The following PCDH15 variants were observed in gnomAD, a reference collection of about 807,000 sequenced individuals.
PCDH15 encodes protocadherin related 15.
A neutral mutation model predicts 178.5 loss-of-function variants in PCDH15; 129 were observed. The ratio of observed to expected loss-of-function variants is 0.72; its 90% CI spans 0.63 to 0.84. The LOEUF (loss-of-function observed/expected upper bound fraction) is 0.84. Among genes scored for constraint, PCDH15 ranks in the 40% least tolerant of loss-of-function variants. PCDH15 has a pLI of 0.00. For synonymous variants in PCDH15, 800 were observed against 732.0 expected (o/e 1.09, Z -1.50); for missense variants, 2,230 against 2,099.9 (o/e 1.06, Z -1.21).
chr10:54,035,829 C>A (rs1180858721), intron 18 of PCDH15, among the ~76,000 whole-genome samples: 2 of 151,918 alleles, frequency 1.3e-5, no homozygotes, highest in African/African-American at 4.8e-5. Flanking sequence ...TGCCAGTTAG[C>A]CACATTGTGA....
chr10:54,118,287 G>A (rs1393595898), intron 15 of PCDH15, among the ~76,000 whole-genome samples: 1 of 152,184 alleles, frequency 6.6e-6, no homozygotes, highest in African/African-American at 2.4e-5. Flanking sequence ...AATAGGCAAT[G>A]AGGAAAAACT....
chr10:55,173,270 GACA>G (rs1839387364), intron 1 of PCDH15, among the ~76,000 whole-genome samples: 1 of 149,780 alleles, frequency 6.7e-6, no homozygotes, highest in Admixed American at 6.7e-5. Context: ...GAGGGGAAGT[GACA>G]AAATAGGAAT....
chr10:55,295,955 C>T (rs1843121124), intron 1 of PCDH15, among the ~76,000 whole-genome samples: 1 of 152,146 alleles, frequency 6.6e-6, no homozygotes, highest in Non-Finnish European at 1.5e-5. Context: ...CCCAGGTAGT[C>T]ACTTGCACTC....
chr10:54,077,948 A>T (rs2094370658), intron 17 of PCDH15, among the ~76,000 whole-genome samples: 2 of 152,156 alleles, frequency 1.3e-5, no homozygotes, highest in African/African-American at 4.8e-5. Context: ...CTGTAATTCC[A>T]GCTACTTGGG....
upstream of PCDH15, among the ~76,000 whole-genome samples, chr10:55,320,970 G>C (rs1186049232): frequency 6.6e-6 from 1 of 152,110 alleles, no homozygotes; most frequent in East Asian, 1.9e-4. Flanking sequence ...GCAGAATATG[G>C]ATATTCAATA....
At chr10:55,354,337 G>A (rs1046863835) in intron 2 of PCDH15, among the ~76,000 whole-genome samples, 1 of 151,984 alleles carries the variant, frequency 6.6e-6, no homozygotes, top group African/African-American at 2.4e-5. Context: ...GTCACACATT[G>A]AGCTTAATAA....
At chr10:53,866,109 T>A (rs1417928977) in intron 27 of PCDH15, among the ~76,000 whole-genome samples, 1 of 152,128 alleles carries the variant, frequency 6.6e-6, no homozygotes, top group East Asian at 1.9e-4. Context: ...TATAACTTAG[T>A]CAAGGCTAAA....
At chr10:53,856,766 C>T (rs2078771859) in intron 28 of PCDH15, among the ~76,000 whole-genome samples, 1 of 151,790 alleles carries the variant, frequency 6.6e-6, no homozygotes, top group Admixed American at 6.6e-5. Flanking sequence ...AAACAGTAAG[C>T]TAAATTATTA....
chr10:53,807,974 A>G (rs1252912429), intron 37 of PCDH15: 2 of 152,240 alleles, frequency 1.3e-5, no homozygotes, highest in East Asian at 1.9e-4. Flanking sequence ...AACTATCAAC[A>G]CATTGCATGC....
intron 3 of PCDH15, among the ~76,000 whole-genome samples, chr10:54,439,275 C>G (rs1832878): frequency 0.023 from 3,560 of 151,814 alleles, 154 homozygotes; most frequent in African/African-American, 0.082. Context: ...AGAAAAGAAA[C>G]CAAATATGCA....
intron 1 of PCDH15, among the ~76,000 whole-genome samples, chr10:54,780,101 C>T (rs893037689): frequency 6.6e-6 from 1 of 152,070 alleles, no homozygotes; most frequent in Non-Finnish European, 1.5e-5. Context: ...GAGAAGTTCT[C>T]AAATAATTCT....
intron 21 of PCDH15, among the ~76,000 whole-genome samples, chr10:53,978,529 G>T (rs535196370): frequency 6.6e-6 from 1 of 152,232 alleles, no homozygotes; most frequent in African/African-American, 2.4e-5. Context: ...GTGTGTGATG[G>T]GAGGGGATGC....
intron 2 of PCDH15, among the ~76,000 whole-genome samples, chr10:55,119,186 T>A (rs999839258): frequency 6.6e-6 from 1 of 152,148 alleles, no homozygotes; most frequent in Non-Finnish European, 1.5e-5. Flanking sequence ...AATTTTAAAA[T>A]GACGATGGCA....
rs187684214 is a variant in PCDH15, at chr10:55,132,461, A to T, written c.-80+34115T>A. On this transcript the variant is annotated intron_variant, in intron 2 of 5. Coordinates refer to the PCDH15 transcript ENST00000458638. ...CATTTGGGGTTTTAAAAGAAATAAA[A>T]AGCACGTGCTTCCCACTGATTAATG... 1.8e-3 allele frequency among the ~76,000 whole-genome samples: 281 copies of T among 152,280 alleles called. 4 individuals carry two copies. Among genetic ancestry groups the T allele is most frequent in the African/African-American group, 6.7e-3 (277 of 41,552 alleles).
chr10:54,827,010 A>T (rs1043905351), intron 3 of PCDH15, among the ~76,000 whole-genome samples: 1 of 152,212 alleles, frequency 6.6e-6, no homozygotes, highest in Non-Finnish European at 1.5e-5. Context: ...AAAAACACAC[A>T]AAAACATCCT....
chr10:54,043,213 G>C lies in PCDH15; in HGVS notation c.2221-20016C>G, dbSNP rs140885496. Among the ~76,000 whole-genome samples, 14 of 152,136 alleles carry C rather than the reference G, an allele frequency of 9.2e-5. No homozygotes were observed. The East Asian group carries it at 2.5e-3, about 27-fold the overall frequency. ...TTGATTGGTTGCTAAATATAACAAAGGTGTTGAAAAAGAATAAATGAAGCT... is the reference window on the plus strand; with the variant it reads ...TTGATTGGTTGCTAAATATAACAAACGTGTTGAAAAAGAATAAATGAAGCT... On this transcript the variant is annotated intron_variant, in intron 18 of 37. Coordinates refer to ENST00000644397, the MANE Select transcript of PCDH15 (RefSeq NM_001384140.1).
intron 1 of PCDH15, among the ~76,000 whole-genome samples, chr10:55,292,570 T>C (rs943544758): frequency 2.0e-5 from 3 of 152,014 alleles, no homozygotes; most frequent in Non-Finnish European, 2.9e-5. Flanking sequence ...TTAGTAGAGA[T>C]GCAGTTTCAC....
intron 6 of PCDH15, among the ~76,000 whole-genome samples, chr10:54,340,006 C>T (rs966894729): frequency 2.0e-5 from 3 of 152,130 alleles, no homozygotes; most frequent in African/African-American, 4.8e-5. Flanking sequence ...GACCTCATTG[C>T]AATGATTTCT....
intron 2 of PCDH15, among the ~76,000 whole-genome samples, chr10:54,650,813 T>C (rs2094241743): frequency 6.6e-6 from 1 of 152,056 alleles, no homozygotes; most frequent in Non-Finnish European, 1.5e-5. Context: ...AGAACAGTAC[T>C]GGGGAAACAG....
Sources: gnomAD v4.1 joint callset for allele counts (sites outside exome capture counted in the v4.1 genomes callset) on GRCh38, gnomAD v4.1.1 for gene constraint, MANE v1.5 for transcripts, NCBI Gene and HGNC (gene_info 2026-07-23, HGNC 2026-07-21) for gene names.